The following PCDH9 variants were observed in gnomAD, a reference collection of about 807,000 sequenced individuals.
PCDH9 encodes the protein protocadherin-9.
PCDH9 carries 24 observed loss-of-function variants against 70.6 expected under a neutral mutation model. The ratio of observed to expected loss-of-function variants is 0.34; its 90% confidence interval spans 0.25 to 0.48. PCDH9 has a LOEUF of 0.48. PCDH9 is among the 20% of genes least tolerant of loss of function. PCDH9 has a pLI of 0.99. For synonymous variants in PCDH9, 562 were observed against 558.5 expected (o/e 1.01, Z -0.09); for missense variants, 1,281 against 1,503.6 (o/e 0.85, Z 2.45).
chr13:66,676,382 AC>A (rs2078243106), intron 3 of PCDH9, among the ~76,000 whole-genome samples: 1 of 147,642 alleles, frequency 6.8e-6, no homozygotes, highest in Non-Finnish European at 1.5e-5. Flanking sequence ...ATTCCATAGA[AC>A]TAAGCTTATA....
At chr13:66,887,162 C>A (rs2082020332) in intron 3 of PCDH9, among the ~76,000 whole-genome samples, 1 of 151,164 alleles carries the variant, frequency 6.6e-6, no homozygotes, top group African/African-American at 2.4e-5. Flanking sequence ...GCAATTTTGG[C>A]ACCGCATCAC....
intron 2 of PCDH9, among the ~76,000 whole-genome samples, chr13:67,194,845 A>G (rs563093662): frequency 6.6e-6 from 1 of 152,332 alleles, no homozygotes; most frequent in Non-Finnish European, 1.5e-5. Flanking sequence ...ATGTCGAAAT[A>G]TAGGAACAAA....
At chr13:66,479,784 C>A (rs902140142) in intron 4 of PCDH9, among the ~76,000 whole-genome samples, 1 of 152,136 alleles carries the variant, frequency 6.6e-6, no homozygotes, top group African/African-American at 2.4e-5. Context: ...GTAAACACAC[C>A]AATCAGCACT....
At position 66,826,833 on chromosome 13, in the gene PCDH9, A is replaced by G. The variant is rs139118079; in HGVS notation, c.3138+76671T>C. ...TCTGGACAGAAAAAACAACAGAGAAACTTGGAGGCTGTAAAACCTTGATTT... is the reference window on the plus strand; with the variant it reads ...TCTGGACAGAAAAAACAACAGAGAAGCTTGGAGGCTGTAAAACCTTGATTT... On this transcript the variant is annotated intron_variant, in intron 3 of 4. Transcript: ENST00000377865. Among the ~76,000 whole-genome samples the G allele has an allele frequency of 1.6e-3, 249 of 152,196 alleles. 1 individual carries two copies. The highest frequency in any genetic ancestry group is 5.7e-3 in the African/African-American group (236 of 41,538).
At chr13:66,359,124 A>G (rs1452843135) in intron 4 of PCDH9, among the ~76,000 whole-genome samples, 1 of 152,020 alleles carries the variant, frequency 6.6e-6, no homozygotes, top group East Asian at 1.9e-4. Context: ...GAGTTATATA[A>G]TTTTATATTT....
chr13:66,591,941 G>T (rs10492471), intron 4 of PCDH9, among the ~76,000 whole-genome samples: 20,881 of 151,326 alleles, frequency 0.14, 1,655 homozygotes, highest in Middle Eastern at 0.21. Flanking sequence ...TGATAGAAAA[G>T]TATCCACTGA....
At chr13:66,796,098 C>G (rs1004977706) in intron 3 of PCDH9, among the ~76,000 whole-genome samples, 1 of 152,084 alleles carries the variant, frequency 6.6e-6, no homozygotes, top group African/African-American at 2.4e-5. Context: ...AAAATTAGCA[C>G]GGTGTTTGGA....
intron 3 of PCDH9, among the ~76,000 whole-genome samples, chr13:66,766,715 C>A (rs1269696359): frequency 6.6e-6 from 1 of 151,916 alleles, no homozygotes; most frequent in Non-Finnish European, 1.5e-5. Flanking sequence ...TACTAACATT[C>A]TAACTTCTGT....
At chr13:67,064,891 A>AATAG (rs71110626) in intron 2 of PCDH9, among the ~76,000 whole-genome samples, 16,042 of 148,870 alleles carry the variant, frequency 0.11, 896 homozygotes, top group East Asian at 0.16. Flanking sequence ...CCTGTGTGGA[A>AATAG]ATAGATAGAT....
chr13:67,039,808 A>T (rs2085077234), intron 2 of PCDH9, among the ~76,000 whole-genome samples: 1 of 152,156 alleles, frequency 6.6e-6, no homozygotes. Context: ...AGCGAAGTTG[A>T]ACAAAAGTGT....
chr13:66,421,934 C>T (rs918252955), intron 4 of PCDH9, among the ~76,000 whole-genome samples: 2 of 152,060 alleles, frequency 1.3e-5, no homozygotes, highest in African/African-American at 4.8e-5. Context: ...CAAAGACACA[C>T]ATAGGCTCAA....
intron 2 of PCDH9, among the ~76,000 whole-genome samples, chr13:67,004,809 G>T (rs552436386): frequency 4.6e-5 from 7 of 151,908 alleles, no homozygotes; most frequent in African/African-American, 1.7e-4. Context: ...TGGGATTTGG[G>T]GAATGATTAA....
At chr13:66,707,201 T>C (rs1199228551) in intron 3 of PCDH9, among the ~76,000 whole-genome samples, 1 of 152,206 alleles carries the variant, frequency 6.6e-6, no homozygotes, top group African/African-American at 2.4e-5. Context: ...AGCAATAACA[T>C]GGTCTAGGAA....
At chr13:67,176,427 A>G (rs2088458613) in intron 2 of PCDH9, among the ~76,000 whole-genome samples, 1 of 152,110 alleles carries the variant, frequency 6.6e-6, no homozygotes, top group African/African-American at 2.4e-5. Flanking sequence ...ACTGAAAGAT[A>G]CTTTCCATTC....
intron 4 of PCDH9, among the ~76,000 whole-genome samples, chr13:66,394,453 C>T (rs1238559598): frequency 6.6e-6 from 1 of 152,084 alleles, no homozygotes; most frequent in East Asian, 1.9e-4. Context: ...GTTACTATTT[C>T]AATGTTTTAT....
intron 4 of PCDH9, among the ~76,000 whole-genome samples, chr13:66,540,839 T>C (rs1215652419): frequency 6.6e-6 from 1 of 152,208 alleles, no homozygotes; most frequent in Admixed American, 6.6e-5. Context: ...TTATTGTTTT[T>C]ATTTAATTAG....
chr13:66,434,045 G>T (rs1957822387), intron 4 of PCDH9, among the ~76,000 whole-genome samples: 1 of 151,886 alleles, frequency 6.6e-6, no homozygotes, highest in South Asian at 2.1e-4. Flanking sequence ...TGTTGATGGA[G>T]TTGTATCCAA....
intron 3 of PCDH9, among the ~76,000 whole-genome samples, chr13:66,655,355 T>C (rs990646286): frequency 1.2e-4 from 18 of 151,912 alleles, no homozygotes; most frequent in African/African-American, 4.3e-4. Flanking sequence ...TTCTTTATTC[T>C]CACATGGGAA....
chr13:66,734,493 A>T (rs138717340), intron 3 of PCDH9, among the ~76,000 whole-genome samples: 1 of 152,222 alleles, frequency 6.6e-6, no homozygotes, highest in East Asian at 1.9e-4. Context: ...GAACCCTGCA[A>T]ATTTGCAATT....
Sources: allele counts gnomAD v4.1 joint callset (sites outside exome capture counted in the v4.1 genomes callset), GRCh38; gene constraint gnomAD v4.1.1; transcripts MANE v1.5; gene names NCBI Gene and HGNC (gene_info 2026-07-23, HGNC 2026-07-21).